ATP9A: variants seen among roughly 807,000 people sequenced by gnomAD.
The protein encoded by ATP9A is probable phospholipid-transporting ATPase IIA.
A neutral mutation model predicts 144.1 loss-of-function variants in ATP9A; 52 were observed. That is an observed-to-expected ratio of 0.36 (90% CI 0.29 to 0.45). ATP9A has a LOEUF of 0.45. Among genes scored for constraint, ATP9A ranks in the 20% least tolerant of loss-of-function variants. The pLI, the probability that ATP9A is intolerant of heterozygous loss-of-function variation, is 1.00. For missense variants in ATP9A, 947 were observed against 1,392.7 expected (o/e 0.68, Z 5.09); for synonymous variants, 582 against 557.4 (o/e 1.04, Z -0.62).
chr20:51,699,639 T>C (rs2122831612), intron 4 of ATP9A, among the ~76,000 whole-genome samples: 1 of 152,172 alleles, frequency 6.6e-6, no homozygotes, highest in East Asian at 1.9e-4. Context: ...TACTGACTTC[T>C]GACTTCTTTT....
At chr20:51,721,600 C>T (rs62226695) in intron 3 of ATP9A, among the ~76,000 whole-genome samples, 10,254 of 151,972 alleles carry the variant, frequency 0.067, 791 homozygotes, top group African/African-American at 0.19. Context: ...GAGATCGAGA[C>T]CATCCTGGCT....
chr20:51,662,314 A>T (rs1348666862), intron 13 of ATP9A, among the ~76,000 whole-genome samples: 1 of 151,868 alleles, frequency 6.6e-6, no homozygotes, highest in East Asian at 1.9e-4. Flanking sequence ...TTGGGGGAAG[A>T]CGAGTGGATC....
chr20:51,602,590 G>A (rs907227308), intron 27 of ATP9A, among the ~76,000 whole-genome samples: 4 of 152,216 alleles, frequency 2.6e-5, no homozygotes, highest in Middle Eastern at 3.2e-3. Flanking sequence ...TTCCTGGAGC[G>A]CACAGTAAAT....
rs2077137758 is a variant in ATP9A, at chr20:51,600,532, A to T, written c.*679T>A. On this transcript the variant is annotated 3_prime_UTR_variant, in exon 28 of 28. Transcript: ENST00000338821. Reference sequence around the variant, plus strand: ...ACTCACACACTATGGATGCTGAATCAGATCAAGGATAACAGATTGGACTTA... The same window carrying T: ...ACTCACACACTATGGATGCTGAATCTGATCAAGGATAACAGATTGGACTTA... 1 of 152,176 alleles carries T rather than the reference A, an allele frequency of 6.6e-6. No homozygotes were observed. The highest frequency in any genetic ancestry group is 1.5e-5 in the Non-Finnish European group (1 of 68,044). 9.4% of individuals were successfully genotyped at this position (152,176 alleles called of 1,614,324 possible). A position where few individuals can be genotyped will look rare whatever the true frequency, so the allele number is the denominator to read the frequency against.
intron 25 of ATP9A, 31 bp from the exon 26 acceptor site, chr20:51,607,615 G>C: frequency 6.4e-7 from 1 of 1,567,116 alleles, no homozygotes; most frequent in Non-Finnish European, 8.8e-7. Context: ...GGTTAGAGCC[G>C]GTTTCGCGGG....
chr20:51,640,177 TAA>T (rs1038939992), intron 14 of ATP9A, among the ~76,000 whole-genome samples: 1 of 150,750 alleles, frequency 6.6e-6, no homozygotes, highest in Non-Finnish European at 1.5e-5. Flanking sequence ...AGCTAAACAA[TAA>T]AAAAAAGAAG....
intron 1 of ATP9A, among the ~76,000 whole-genome samples, chr20:51,761,665 C>G (rs1159033128): frequency 6.6e-6 from 1 of 151,606 alleles, no homozygotes; most frequent in Non-Finnish European, 1.5e-5. Flanking sequence ...GAGGCTGAGA[C>G]AGGAGAATGG....
intron 3 of ATP9A, among the ~76,000 whole-genome samples, chr20:51,719,691 C>T (rs6126320): frequency 0.21 from 30,985 of 147,112 alleles, 3,743 homozygotes; most frequent in East Asian, 0.38. Context: ...CAAGATCGCA[C>T]CACTGCACTC....
intron 1 of ATP9A, among the ~76,000 whole-genome samples, chr20:51,736,620 G>T (rs914961889): frequency 6.6e-6 from 1 of 151,858 alleles, no homozygotes; most frequent in Non-Finnish European, 1.5e-5. Flanking sequence ...TTCCCTGAGA[G>T]CTGGGATTAC....
chr20:51,736,133 C>T (rs181511906), intron 1 of ATP9A, among the ~76,000 whole-genome samples: 1 of 152,384 alleles, frequency 6.6e-6, no homozygotes, highest in East Asian at 1.9e-4. Context: ...GCAGATGGAA[C>T]TGCACAGGCA....
chr20:51,728,126 G>C (rs1806159155), intron 2 of ATP9A, among the ~76,000 whole-genome samples: 2 of 152,102 alleles, frequency 1.3e-5, no homozygotes, highest in South Asian at 4.2e-4. Context: ...TTGAGGCTAA[G>C]GCAGCTAAGA....
At chr20:51,712,546 C>A (rs2077644191) in intron 4 of ATP9A, among the ~76,000 whole-genome samples, 1 of 152,208 alleles carries the variant, frequency 6.6e-6, no homozygotes, top group Admixed American at 6.5e-5. Context: ...GGTTGCCTTT[C>A]TAAAAACTAA....
chr20:51,625,161 A>C, intron 18 of ATP9A, 31 bp downstream of exon 18: 1 of 1,588,294 alleles, frequency 6.3e-7, no homozygotes, highest in Non-Finnish European at 8.5e-7. Flanking sequence ...ATTGCCCTGG[A>C]GTGCCCTTCC....
At chr20:51,623,403 C>T (rs1320284276) in intron 18 of ATP9A, among the ~76,000 whole-genome samples, 1 of 152,202 alleles carries the variant, frequency 6.6e-6, no homozygotes, top group Non-Finnish European at 1.5e-5. Flanking sequence ...CCCGGCTCTG[C>T]TGCTTCCCAA....
intron 1 of ATP9A, among the ~76,000 whole-genome samples, chr20:51,755,730 G>A (rs901088389): frequency 2.0e-5 from 3 of 152,172 alleles, no homozygotes; most frequent in Admixed American, 1.3e-4. Context: ...TTGGGAGGCC[G>A]AGGCGGGCAG....
intron 9 of ATP9A, among the ~76,000 whole-genome samples, chr20:51,687,313 T>G (rs184388400): frequency 6.6e-6 from 1 of 152,282 alleles, no homozygotes; most frequent in African/African-American, 2.4e-5. Context: ...AAATAAAATG[T>G]AGCAGAAAAA....
Position 51,669,677 on chromosome 20 carries a change from G to A in ATP9A, c.1293+320C>T, listed in dbSNP as rs189111531. On this transcript the variant is annotated intron_variant, in intron 13 of 27. Transcript: ENST00000338821. ...TAATGTCCATCAGCACTTCAGCAGA[G>A]CAGATTAGCCCTGAAGATAGGGAAG... 3.6e-3 allele frequency among the ~76,000 whole-genome samples: 545 copies of A among 152,272 alleles called. 2 individuals carry two copies. Among genetic ancestry groups the A allele is most frequent in the African/African-American group, 0.012 (518 of 41,546 alleles).
chr20:51,689,275 C>T lies in ATP9A; in HGVS notation c.724-136G>A, dbSNP rs373805722. 64 of 767,874 alleles carry T rather than the reference C, an allele frequency of 8.3e-5. 2 individuals carry two copies. Among genetic ancestry groups the T allele is most frequent in the East Asian group, 1.9e-4 (7 of 37,404 alleles). 47.6% of individuals were successfully genotyped at this position (767,874 alleles called of 1,614,324 possible). Reference sequence around the variant, plus strand: ...CCTGGAAGCCCAGTTTGGAAGCCGACGGCTCCACCATGAGGGGAGGGCCAA... The same window carrying T: ...CCTGGAAGCCCAGTTTGGAAGCCGATGGCTCCACCATGAGGGGAGGGCCAA... On this transcript the variant is annotated intron_variant, in intron 8 of 27. Coordinates refer to ENST00000338821, the MANE Select transcript of ATP9A (RefSeq NM_006045.3).
At chr20:51,723,018 C>T (rs1283566510) in intron 3 of ATP9A, among the ~76,000 whole-genome samples, 2 of 152,046 alleles carry the variant, frequency 1.3e-5, no homozygotes, top group Non-Finnish European at 2.9e-5. Flanking sequence ...CATCAATCGA[C>T]GAGTGGATAA....
Sources: gnomAD v4.1 joint callset for allele counts (sites outside exome capture counted in the v4.1 genomes callset) on GRCh38, gnomAD v4.1.1 for gene constraint, MANE v1.5 for transcripts, NCBI Gene and HGNC (gene_info 2026-07-23, HGNC 2026-07-21) for gene names.